CASZ1: variants seen among roughly 807,000 people sequenced by gnomAD.
CASZ1 encodes the protein zinc finger protein castor homolog 1.
In CASZ1, 28 loss-of-function variants were observed where a neutral mutation model predicts 135.2. That is an observed-to-expected ratio of 0.21 (90% CI 0.15 to 0.28). The LOEUF is 0.28. Ranked by LOEUF, CASZ1 falls within the 10% of genes least tolerant of loss-of-function variation. The pLI is 1.00. For missense variants in CASZ1, 2,161 were observed against 2,453.3 expected (o/e 0.88, Z 2.52); for synonymous variants, 1,068 against 1,073.4 (o/e 0.99, Z 0.10).
At chr1:10,682,177 G>A (rs1265209701) in intron 4 of CASZ1, among the ~76,000 whole-genome samples, 1 of 152,166 alleles carries the variant, frequency 6.6e-6, no homozygotes, top group Non-Finnish European at 1.5e-5. Flanking sequence ...CACAGGGACA[G>A]CCACCTGCTG....
In CASZ1 at chr1:10,637,369, T is replaced by A. The variant is rs1642026419; in HGVS notation, c.*1573A>T. The A allele has an allele frequency of 6.6e-6, 1 of 152,618 alleles. No homozygotes were observed. Among genetic ancestry groups the A allele is most frequent in the African/African-American group, 2.4e-5 (1 of 41,466 alleles). 9.5% of individuals were successfully genotyped at this position (152,618 alleles called of 1,614,324 possible). Reference sequence around the variant, plus strand: ...CGACCACTCCTCCCTCCCTGCTCCCTGTCCAGTTCGGGTGGTCCTGGCTTT... The same window carrying A: ...CGACCACTCCTCCCTCCCTGCTCCCAGTCCAGTTCGGGTGGTCCTGGCTTT... On this transcript the variant is annotated 3_prime_UTR_variant, in exon 21 of 21. Coordinates refer to ENST00000377022, the MANE Select transcript of CASZ1 (RefSeq NM_001079843.3).
chr1:10,698,556 G>A (rs59705351), intron 3 of CASZ1, among the ~76,000 whole-genome samples: 55,691 of 151,600 alleles, frequency 0.37, 10,490 homozygotes, highest in African/African-American at 0.45. Context: ...CAGAGAAAAA[G>A]AAAGGCCAGC....
At position 10,724,702 on chromosome 1, in the gene CASZ1, G is replaced by A. The variant is rs1366302046; in HGVS notation, c.-76-19158C>T. ...AGGTTGCCCCTGGTCTTCGCTCAGA[G>A]GGGCACCCCAAGGGCACTGCCCAGC... On this transcript the variant is annotated intron_variant, in intron 2 of 20. Coordinates refer to ENST00000377022, the MANE Select transcript of CASZ1 (RefSeq NM_001079843.3). This position sits in a 1 kb window ranked among gnomAD's most constrained non-coding sequence, Gnocchi z 4.1. 6.6e-6 allele frequency among the ~76,000 whole-genome samples: 1 copy of A among 152,214 alleles called. No homozygotes were observed. Among genetic ancestry groups the A allele is most frequent in the Admixed American group, 6.5e-5 (1 of 15,290 alleles).
chr1:10,647,397 C>G lies in CASZ1; in HGVS notation c.3497+404G>C, dbSNP rs1023839079. 1.3e-5 allele frequency: 14 copies of G among 1,082,618 alleles called. No homozygotes were observed. The highest frequency in any genetic ancestry group is 1.7e-5 in the African/African-American group (1 of 59,534). The allele number at this position is 1,082,618 out of a possible 1,614,324, so 67.1% of individuals were successfully genotyped here. ...GGCCTGGCCCCTACCCGTGACTTCA[C>G]GTGCCCTGCAGAGATTCAGCCATGG... is the stretch of plus-strand genomic sequence containing the variant. On this transcript the variant is annotated intron_variant, in intron 16 of 20. Coordinates refer to ENST00000377022, the MANE Select transcript of CASZ1 (RefSeq NM_001079843.3). This position sits in a 1 kb window ranked among gnomAD's most constrained non-coding sequence, Gnocchi z 4.9.
chr1:10,663,844 G>T (rs151034876), intron 5 of CASZ1, among the ~76,000 whole-genome samples: 1 of 152,336 alleles, frequency 6.6e-6, no homozygotes, highest in Non-Finnish European at 1.5e-5. Context: ...GCCTCTGCCA[G>T]CCCCGCTCTC....
chr1:10,647,437 G>A lies in CASZ1; in HGVS notation c.3497+364C>T, dbSNP rs963373801. Reference sequence around the variant, plus strand: ...TTCAGCCATGGGTGTGAGCCACAGAGGAGGCCAATACGGAGGCTCGGAGGG... The same window carrying A: ...TTCAGCCATGGGTGTGAGCCACAGAAGAGGCCAATACGGAGGCTCGGAGGG... On this transcript the variant is annotated intron_variant, in intron 16 of 20. Coordinates refer to ENST00000377022, the MANE Select transcript of CASZ1 (RefSeq NM_001079843.3). This position sits in a 1 kb window ranked among gnomAD's most constrained non-coding sequence, Gnocchi z 4.9. 32 of 1,157,630 alleles carry A rather than the reference G, an allele frequency of 2.8e-5. No individual in the cohort carries two copies. The African/African-American group carries it at 4.4e-4, about 16-fold the overall frequency. 71.7% of individuals were successfully genotyped at this position (1,157,630 alleles called of 1,614,324 possible).
chr1:10,681,211 T>C (rs1638408823), intron 4 of CASZ1, among the ~76,000 whole-genome samples: 1 of 152,110 alleles, frequency 6.6e-6, no homozygotes, highest in South Asian at 2.1e-4. Context: ...TTTTTTTTTT[T>C]TTCCTTGAAG....
rs1355500377 is a variant in CASZ1 at position 10,743,190 on chromosome 1, G to A, written c.-77+17511C>T. 3.3e-5 allele frequency among the ~76,000 whole-genome samples: 5 copies of A among 152,086 alleles called. No individual in the cohort carries two copies. The East Asian group carries it at 9.7e-4, about 29-fold the overall frequency. ...GAGGGGCAGAGGCTGGGGGACAGGA[G>A]GAGTCTGGGGCATAAACCGGAGAAT... On this transcript the variant is annotated intron_variant, in intron 2 of 20. Coordinates refer to ENST00000377022, the MANE Select transcript of CASZ1 (RefSeq NM_001079843.3).
At chr1:10,696,766 C>G (rs961672372) in intron 3 of CASZ1, among the ~76,000 whole-genome samples, 1 of 152,240 alleles carries the variant, frequency 6.6e-6, no homozygotes, top group Non-Finnish European at 1.5e-5. Context: ...GTGACCCACA[C>G]AGCCACTGGC....
At chr1:10,691,664 T>C (rs60860779) in intron 4 of CASZ1, among the ~76,000 whole-genome samples, 15,354 of 152,202 alleles carry the variant, frequency 0.1, 1,930 homozygotes, top group African/African-American at 0.3. Context: ...CTGTATGCCG[T>C]GTGCACTATG....
chr1:10,702,909 A>G (rs1639093138), intron 3 of CASZ1, among the ~76,000 whole-genome samples: 1 of 152,120 alleles, frequency 6.6e-6, no homozygotes, highest in Non-Finnish European at 1.5e-5. Flanking sequence ...TTAGGGTGAC[A>G]AGGAAGTAAA....
chr1:10,665,005 C>T, intron 5 of CASZ1, 78 bp downstream of exon 5: 6 of 1,423,394 alleles, frequency 4.2e-6, no homozygotes, highest in Non-Finnish European at 5.5e-6. Context: ...GTCGGGTGTG[C>T]TTACCAGACA....
At position 10,654,003 on chromosome 1, in the gene CASZ1, A is replaced by G. The variant is rs1273685296; in HGVS notation, c.2054T>C (p.Met685Thr). The G allele has an allele frequency of 6.2e-7, 1 of 1,614,180 alleles. No individual in the cohort carries two copies. The highest frequency in any genetic ancestry group is 8.5e-7 in the Non-Finnish European group (1 of 1,179,998). Residue 685 changes from methionine (M) to threonine (T), a missense_variant, in exon 11 of 21, where the codon ATG becomes ACG. By Grantham distance (81) the Met-to-Thr change is moderately conservative (BLOSUM62 -1). Coordinates refer to ENST00000377022, the MANE Select transcript of CASZ1 (RefSeq NM_001079843.3). The stretch of plus-strand genomic sequence containing the variant: ...CTCATGCTTGCGCTTGTGAGAGGTC[A>G]TCTGGCTGGTGGAGGTGAAGGTGAA... ...CGFTFTSTSQ[M>T]TSHKRKHERR... is the part of the protein sequence containing the mutation.
chr1:10,664,989 T>G, intron 5 of CASZ1, 94 bp downstream of exon 5: 2 of 1,340,070 alleles, frequency 1.5e-6, no homozygotes, highest in South Asian at 1.9e-5. Flanking sequence ...AGAGCAGGAG[T>G]GAGGAGTCGG....
At chr1:10,696,902 A>C (rs1638945382) in intron 3 of CASZ1, among the ~76,000 whole-genome samples, 1 of 152,176 alleles carries the variant, frequency 6.6e-6, no homozygotes, top group Non-Finnish European at 1.5e-5. Flanking sequence ...TGGATTGGCC[A>C]CCCAGTAACT....
In CASZ1 at chr1:10,643,308, C is replaced by T; in HGVS notation, c.3872G>A (p.Cys1291Tyr). ...TKREECGRLG[C>Y]KYNQVNSHFH... Reference sequence around the variant, plus strand: ...GTGGCTGTTCACCTGGTTGTACTTGCAACCTGTGGACACAGCCCCACCTGG... The same window carrying T: ...GTGGCTGTTCACCTGGTTGTACTTGTAACCTGTGGACACAGCCCCACCTGG... The change falls in exon 19 of 21, where the codon TGC (cysteine) becomes TAC (tyrosine). Residue 1291 changes from cysteine to tyrosine, a missense_variant. Physicochemically the swap from Cys to Tyr is radical, Grantham distance 194. This residue lies in a region of CASZ1 where 349 missense variants were observed against 460.8 expected (regional missense o/e 0.76). Coordinates refer to ENST00000377022, the MANE Select transcript of CASZ1 (RefSeq NM_001079843.3). 6.2e-7 allele frequency: 1 copy of T among 1,612,644 alleles called. No homozygotes were observed. The highest frequency in any genetic ancestry group is 8.5e-7 in the Non-Finnish European group (1 of 1,179,888).
intron 5 of CASZ1, among the ~76,000 whole-genome samples, chr1:10,661,859 TAC>T (rs566620643): frequency 1.1e-3 from 164 of 151,174 alleles, no homozygotes; most frequent in Middle Eastern, 3.5e-3. Context: ...TGCATTCTCA[TAC>T]ACTCTTACAC....
chr1:10,746,831 A>G (rs1477241754), intron 2 of CASZ1, among the ~76,000 whole-genome samples: 1 of 152,228 alleles, frequency 6.6e-6, no homozygotes, highest in Non-Finnish European at 1.5e-5. Flanking sequence ...ACCCACTGGA[A>G]AGTCTGCCCA....
At chr1:10,710,073 C>A (rs1226897333) in intron 2 of CASZ1, among the ~76,000 whole-genome samples, 2 of 152,332 alleles carry the variant, frequency 1.3e-5, no homozygotes, top group South Asian at 2.1e-4. Context: ...GGCCCTCGTC[C>A]TTTGGGGACA....
Sources: allele counts gnomAD v4.1 joint callset (sites outside exome capture counted in the v4.1 genomes callset), GRCh38; gene constraint gnomAD v4.1.1; regional missense constraint gnomAD v4.1.1; non-coding constraint Gnocchi (gnomAD v3.1); transcripts MANE v1.5; gene names NCBI Gene and HGNC (gene_info 2026-07-23, HGNC 2026-07-21).